The following CSMD3 variants were observed in gnomAD, a reference collection of about 807,000 sequenced individuals.
CSMD3 encodes the protein CUB and Sushi multiple domains 3.
A neutral mutation model predicts 435.2 loss-of-function variants in CSMD3; 177 were observed. That is an observed-to-expected ratio of 0.41 (90% confidence interval 0.36 to 0.46). The LOEUF (loss-of-function observed/expected upper bound fraction) is 0.46, where lower values mean the gene tolerates loss of function less well. Ranked by LOEUF, CSMD3 falls within the 20% of genes least tolerant of loss-of-function variation. CSMD3 has a pLI of 0.34. For missense variants in CSMD3, 4,265 were observed against 4,504.6 expected (o/e 0.95, Z 1.52); for synonymous variants, 1,656 against 1,520.5 (o/e 1.09, Z -2.07).
At chr8:112,305,009 T>A (rs966550391) in intron 51 of CSMD3, 94 bp from the exon 52 acceptor site, 41 of 874,594 alleles carry the variant, frequency 4.7e-5, no homozygotes, top group Non-Finnish European at 6.7e-5. Flanking sequence ...ATTCACTTAC[T>A]CTTGCACTAT....
At chr8:112,777,991 C>T (rs1422659673) in intron 13 of CSMD3, among the ~76,000 whole-genome samples, 1 of 151,790 alleles carries the variant, frequency 6.6e-6, no homozygotes, top group Non-Finnish European at 1.5e-5. Flanking sequence ...CAAAATAAAA[C>T]ATTTTATAAA....
At chr8:112,553,676 A>G (rs1827876103) in intron 25 of CSMD3, among the ~76,000 whole-genome samples, 1 of 152,016 alleles carries the variant, frequency 6.6e-6, no homozygotes, top group Admixed American at 6.6e-5. Context: ...CAACTTTCCT[A>G]TTATCTTAGA....
chr8:113,298,079 A>T (rs2093735622), intron 2 of CSMD3, among the ~76,000 whole-genome samples: 1 of 152,138 alleles, frequency 6.6e-6, no homozygotes, highest in Admixed American at 6.6e-5. Flanking sequence ...CAAATAATAG[A>T]GAATAGTAAG....
intron 11 of CSMD3, among the ~76,000 whole-genome samples, chr8:112,848,868 A>G (rs1401003410): frequency 1.3e-5 from 2 of 152,138 alleles, no homozygotes; most frequent in Non-Finnish European, 2.9e-5. Context: ...ATTTTTAAAT[A>G]TGTACACTTA....
intron 1 of CSMD3, among the ~76,000 whole-genome samples, chr8:113,410,791 G>A (rs1353988542): frequency 6.7e-6 from 1 of 150,262 alleles, no homozygotes; most frequent in Non-Finnish European, 1.5e-5. Flanking sequence ...TGTAGACTCA[G>A]CTACTATGGG....
chr8:112,872,816 G>C (rs1479275065), intron 10 of CSMD3, among the ~76,000 whole-genome samples: 1 of 151,868 alleles, frequency 6.6e-6, no homozygotes, highest in East Asian at 1.9e-4. Flanking sequence ...CATATTAAGA[G>C]GTGAGATAGA....
At chr8:112,245,608 G>A (rs1814647418) in intron 64 of CSMD3, among the ~76,000 whole-genome samples, 1 of 152,138 alleles carries the variant, frequency 6.6e-6, no homozygotes, top group South Asian at 2.1e-4. Flanking sequence ...CATAATCTCA[G>A]TTCACTGCAG....
intron 3 of CSMD3, among the ~76,000 whole-genome samples, chr8:113,252,343 A>C (rs1317816563): frequency 3.9e-5 from 6 of 152,120 alleles, no homozygotes; most frequent in Admixed American, 3.3e-4. Flanking sequence ...TGATCCACAG[A>C]GGCTTAAAAA....
At chr8:112,764,933 G>A (rs562835951) in intron 13 of CSMD3, among the ~76,000 whole-genome samples, 1 of 151,442 alleles carries the variant, frequency 6.6e-6, no homozygotes, top group Non-Finnish European at 1.5e-5. Context: ...GAAAAGATTA[G>A]TATATAAAGC....
At position 112,351,218 on chromosome 8, in the gene CSMD3, T is replaced by C. The variant is rs988401013; in HGVS notation, c.6282A>G (p.Pro2094=). ...LQGHSHITCM[P]GPVRRWNYPI... The stretch of plus-strand genomic sequence containing the variant: ...GATAATTCCATCTTCTTACAGGTCC[T>C]GGCATACATGTAATGTGAGAGTGAC... Residue 2094 remains proline (P), a synonymous_variant, in exon 40 of 71, where the codon CCA becomes CCG. Transcript: ENST00000297405. The C allele has an allele frequency of 1.9e-6, 3 of 1,609,522 alleles. No homozygotes were observed. Among genetic ancestry groups the C allele is most frequent in the Non-Finnish European group, 2.6e-6 (3 of 1,176,188 alleles).
chr8:113,116,687 TAGAG>T (rs2090840439), intron 4 of CSMD3, among the ~76,000 whole-genome samples: 1 of 152,194 alleles, frequency 6.6e-6, no homozygotes, highest in East Asian at 1.9e-4. Flanking sequence ...CTTAGAGACT[TAGAG>T]AGGGCTCAGA....
chr8:112,593,724 T>C (rs192730061), intron 22 of CSMD3, among the ~76,000 whole-genome samples: 30 of 152,224 alleles, frequency 2.0e-4, no homozygotes, highest in Admixed American at 1.8e-3. Context: ...GGTAGTATCA[T>C]GGAATAGTAA....
At chr8:113,104,194 G>A (rs1317920564) in intron 4 of CSMD3, among the ~76,000 whole-genome samples, 2 of 152,092 alleles carry the variant, frequency 1.3e-5, no homozygotes, top group African/African-American at 4.8e-5. Flanking sequence ...AAAGAGAAAT[G>A]AACTGTAAAT....
At chr8:113,407,698 G>A (rs553780434) in intron 1 of CSMD3, among the ~76,000 whole-genome samples, 1 of 152,176 alleles carries the variant, frequency 6.6e-6, no homozygotes, top group African/African-American at 2.4e-5. Flanking sequence ...ACTCTCTGAA[G>A]CAGGTACAAG....
intron 11 of CSMD3, among the ~76,000 whole-genome samples, chr8:112,858,924 CT>C (rs2080744216): frequency 6.6e-6 from 1 of 151,692 alleles, no homozygotes; most frequent in Admixed American, 6.6e-5. Flanking sequence ...TAATTTTAAC[CT>C]TTTGGTTTAT....
chr8:113,051,777 C>T (rs752309188), intron 5 of CSMD3, among the ~76,000 whole-genome samples: 1 of 152,104 alleles, frequency 6.6e-6, no homozygotes, highest in East Asian at 1.9e-4. Context: ...ACATAACAGG[C>T]GCTCAGTAAA....
chr8:112,719,924 T>G (rs897077101), intron 13 of CSMD3, among the ~76,000 whole-genome samples: 1 of 152,180 alleles, frequency 6.6e-6, no homozygotes, highest in African/African-American at 2.4e-5. Context: ...ACTAGACTCC[T>G]AACTGTGGAT....
rs957346507 is a variant in CSMD3 at position 113,295,861 on chromosome 8, G to A, written c.402-17157C>T. On this transcript the variant is annotated intron_variant, in intron 2 of 70. Transcript: ENST00000297405. ...ACACATGCACATGTATGTTTATTGC[G>A]GCACTATTCACAATAGCAAAGACCT... 1.5e-4 allele frequency among the ~76,000 whole-genome samples: 23 copies of A among 152,040 alleles called. 1 individual carries two copies. Among genetic ancestry groups the A allele is most frequent in the African/African-American group, 3.1e-4 (13 of 41,394 alleles).
chr8:112,758,296 G>A (rs2077751285), intron 13 of CSMD3, among the ~76,000 whole-genome samples: 1 of 150,968 alleles, frequency 6.6e-6, no homozygotes, highest in South Asian at 2.1e-4. Context: ...AGGCTGCAGT[G>A]AGCAGGGATC....
Sources: gnomAD v4.1 joint callset for allele counts (sites outside exome capture counted in the v4.1 genomes callset) on GRCh38, gnomAD v4.1.1 for gene constraint, MANE v1.5 for transcripts, NCBI Gene and HGNC (gene_info 2026-07-23, HGNC 2026-07-21) for gene names.